MTMR2: variants seen among roughly 807,000 people sequenced by gnomAD.
MTMR2 encodes the protein phosphatidylinositol-3,5-bisphosphate 3-phosphatase MTMR2.
In MTMR2, 55 loss-of-function variants were observed where a neutral mutation model predicts 86.9. The observed-to-expected ratio is 0.63, with a 90% CI of 0.51 to 0.79. The LOEUF (loss-of-function observed/expected upper bound fraction) is 0.79, where lower values mean the gene tolerates loss of function less well. Ranked by LOEUF, MTMR2 falls within the 30% of genes least tolerant of loss-of-function variation. The pLI is 0.00. For missense variants in MTMR2, 659 were observed against 772.3 expected (o/e 0.85, Z 1.74); for synonymous variants, 241 against 266.8 (o/e 0.90, Z 0.94).
intron 12 of MTMR2, among the ~76,000 whole-genome samples, chr11:95,838,798 A>C (rs1238806055): frequency 6.6e-6 from 1 of 152,050 alleles, no homozygotes; most frequent in African/African-American, 2.4e-5. Flanking sequence ...ATCTAACAAA[A>C]AGAAAATTCA....
In MTMR2 at chr11:95,841,824, T is replaced by G. The variant is rs183271038; in HGVS notation, c.1387-115A>C. 5 of 810,360 alleles carry G rather than the reference T, an allele frequency of 6.2e-6. No individual in the cohort carries two copies. The South Asian group carries it at 7.0e-5, about 11-fold the overall frequency. 50.2% of individuals were successfully genotyped at this position (810,360 alleles called of 1,614,324 possible). ...TCTAAAAATTTTCAAAGTCGGGTGCTGTGGTTTACACCTGTAATCCCAACA... is the reference window on the plus strand; with the variant it reads ...TCTAAAAATTTTCAAAGTCGGGTGCGGTGGTTTACACCTGTAATCCCAACA... On this transcript the variant is annotated intron_variant, in intron 11 of 14. Coordinates refer to ENST00000346299, the MANE Select transcript of MTMR2 (RefSeq NM_016156.6).
rs1014017869 is a variant in MTMR2, at chr11:95,885,578, A to G, written c.186+2578T>C. ...AATAAAGTCGTTCTGGATTGTAACAAAAAGTATAAAATAAATATCCATGAG... is the reference window on the plus strand; with the variant it reads ...AATAAAGTCGTTCTGGATTGTAACAGAAAGTATAAAATAAATATCCATGAG... On this transcript the variant is annotated intron_variant, in intron 2 of 14. Transcript: ENST00000346299. Among the ~76,000 whole-genome samples the G allele has an allele frequency of 4.6e-5, 7 of 152,300 alleles. No homozygotes were observed. The South Asian group carries it at 6.2e-4, about 14-fold the overall frequency.
At chr11:95,861,136 C>T (rs1462796209) in intron 5 of MTMR2, among the ~76,000 whole-genome samples, 3 of 139,592 alleles carry the variant, frequency 2.1e-5, no homozygotes, top group African/African-American at 5.4e-5. Context: ...GGCAACAGAG[C>T]GAGACTCCGT....
chr11:95,896,847 G>A (rs1171177114), intron 1 of MTMR2, among the ~76,000 whole-genome samples: 5 of 149,814 alleles, frequency 3.3e-5, no homozygotes. Flanking sequence ...AGACTTCCTG[G>A]AATACTGAGA....
chr11:95,837,145 C>T (rs1863321273), intron 13 of MTMR2, among the ~76,000 whole-genome samples: 1 of 151,978 alleles, frequency 6.6e-6, no homozygotes, highest in Admixed American at 6.6e-5. Context: ...ATACTTACTG[C>T]ATGCTAGACA....
intron 7 of MTMR2, among the ~76,000 whole-genome samples, chr11:95,851,055 CTTTTTTTTTTTTTTT>C (rs55809121): frequency 1.1e-5 from 1 of 93,396 alleles, no homozygotes; most frequent in African/African-American, 4.8e-5. Context: ...TCAAATATTC[CTTTTTTTTTTTTTTT>C]TTTTTTTTTT....
At chr11:95,837,549 A>G (rs1863338560) in intron 13 of MTMR2, among the ~76,000 whole-genome samples, 1 of 152,012 alleles carries the variant, frequency 6.6e-6, no homozygotes, top group Non-Finnish European at 1.5e-5. Flanking sequence ...CTTAATACCA[A>G]CCCCACTTAA....
chr11:95,884,809 G>A (rs1263766754), intron 2 of MTMR2, among the ~76,000 whole-genome samples: 1 of 151,996 alleles, frequency 6.6e-6, no homozygotes, highest in Non-Finnish European at 1.5e-5. Context: ...ACTGAAGACT[G>A]TAATTCAAGT....
rs796410618 is a variant in MTMR2 at position 95,887,732 on chromosome 11, T to G, written c.186+424A>C. The G allele has an allele frequency of 3.7e-5, 7 of 187,246 alleles. No homozygotes were observed. In the South Asian group the frequency reaches 7.5e-4, roughly 20 times the overall value. The allele number at this position is 187,246 out of a possible 1,614,324, so 11.6% of individuals were successfully genotyped here. On this transcript the variant is annotated intron_variant, in intron 2 of 14. Transcript: ENST00000346299. ...TATTAGCTATGAGATCTTGGACATA[T>G]TACTTAATCTCTACAAGTTATTATC...
intron 2 of MTMR2, among the ~76,000 whole-genome samples, chr11:95,880,119 G>A (rs1195946412): frequency 6.6e-6 from 1 of 151,704 alleles, no homozygotes; most frequent in Non-Finnish European, 1.5e-5. Flanking sequence ...AGTGTGCCTT[G>A]TAATTTTTTC....
chr11:95,890,862 G>A (rs970837350), intron 1 of MTMR2, among the ~76,000 whole-genome samples: 6 of 151,022 alleles, frequency 4.0e-5, no homozygotes, highest in Admixed American at 6.6e-5. Context: ...AACATGCCAA[G>A]AACTCATCTC....
intron 2 of MTMR2, among the ~76,000 whole-genome samples, chr11:95,885,109 T>C (rs1041375707): frequency 1.3e-5 from 2 of 152,156 alleles, no homozygotes; most frequent in Non-Finnish European, 2.9e-5. Context: ...AGCTGATGTA[T>C]AAATTTGACA....
In MTMR2 at chr11:95,923,927, G is replaced by T. The variant is rs1344100328; in HGVS notation, c.28C>A (p.Leu10Ile). The change falls in exon 1 of 15, where the codon CTT becomes ATT. Residue 10 changes from leucine to isoleucine, a missense_variant. Leu to Ile is a conservative substitution (Grantham distance 5). This residue lies in a region of MTMR2 where 79 missense variants were observed against 54.4 expected (regional missense o/e 1.45). Coordinates refer to ENST00000346299, the MANE Select transcript of MTMR2 (RefSeq NM_016156.6). ...CGAGCCGCCGCCGGCTGGGAGCCAA[G>T]ACTCTCGCAGCTCGAGCTCTTCTCC... is the stretch of plus-strand genomic sequence containing the variant. MEKSSSCES[L>I]GSQPAAARPP... The T allele has an allele frequency of 6.4e-7, 1 of 1,561,486 alleles. No homozygotes were observed. The highest frequency in any genetic ancestry group is 2.4e-5 in the East Asian group (1 of 41,634).
At position 95,875,948 on chromosome 11, in the gene MTMR2, C is replaced by G. The variant is rs193075571; in HGVS notation, c.187-10272G>C. 7.6e-4 allele frequency among the ~76,000 whole-genome samples: 115 copies of G among 152,294 alleles called. 1 individual carries two copies. The Middle Eastern group carries it at 0.02, about 27-fold the overall frequency. On this transcript the variant is annotated intron_variant, in intron 2 of 14. Coordinates refer to ENST00000346299, the MANE Select transcript of MTMR2 (RefSeq NM_016156.6). ...TGAACAGCAAATGTTGCTGCCTGATCGTTCCTCTGGAAGTTTTGTCTCAGA... is the reference window on the plus strand; with the variant it reads ...TGAACAGCAAATGTTGCTGCCTGATGGTTCCTCTGGAAGTTTTGTCTCAGA...
rs1863193865 is a variant in MTMR2, at chr11:95,834,988, T to C, written c.*302A>G. The C allele has an allele frequency of 5.3e-6, 2 of 374,470 alleles. No homozygotes were observed. The highest frequency in any genetic ancestry group is 1.0e-5 in the Non-Finnish European group (2 of 197,674). 23.2% of individuals were successfully genotyped at this position (374,470 alleles called of 1,614,324 possible). On this transcript the variant is annotated 3_prime_UTR_variant, in exon 15 of 15. Coordinates refer to ENST00000346299, the MANE Select transcript of MTMR2 (RefSeq NM_016156.6). ...TTTAATATTACCAGATGCCAAAAAT[T>C]TGTAACAGCATTTGCCTTTTAATAG...
intron 1 of MTMR2, among the ~76,000 whole-genome samples, chr11:95,921,440 T>C (rs562592730): frequency 2.6e-5 from 4 of 152,308 alleles, no homozygotes; most frequent in East Asian, 1.9e-4. Flanking sequence ...CAAAGGCTAA[T>C]GAAACAAAAG....
Position 95,841,652 on chromosome 11 carries a change from G to T in MTMR2, c.1444C>A (p.Gln482Lys). ...ATCTGCCAGACACAGTCAATAAATT[G>T]AAGAAAAACAGGCGATCTGTCTGCA... ...ADADRSPVFL[Q>K]FIDCVWQMTR... is the part of the protein sequence containing the mutation. Residue 482 changes from glutamine (Q) to lysine (K), a missense_variant, in exon 12 of 15, where the codon CAA (glutamine) becomes AAA (lysine). This residue lies in a region of MTMR2 where 193 missense variants were observed against 191.6 expected (regional missense o/e 1.01). Transcript: ENST00000346299. The T allele has an allele frequency of 1.2e-6, 2 of 1,613,714 alleles. No individual in the cohort carries two copies. Among genetic ancestry groups the T allele is most frequent in the Non-Finnish European group, 1.7e-6 (2 of 1,179,690 alleles).
intron 11 of MTMR2, among the ~76,000 whole-genome samples, chr11:95,843,844 G>C (rs1217997056): frequency 6.6e-6 from 1 of 151,484 alleles, no homozygotes; most frequent in African/African-American, 2.4e-5. Flanking sequence ...TTTCAATATG[G>C]CAAATATTGA....
intron 1 of MTMR2, among the ~76,000 whole-genome samples, chr11:95,918,396 A>C (rs560460625): frequency 6.6e-6 from 1 of 152,358 alleles, no homozygotes; most frequent in African/African-American, 2.4e-5. Context: ...CTACTGGTCT[A>C]CACTAATAGG....
Sources: gnomAD v4.1 joint callset for allele counts (sites outside exome capture counted in the v4.1 genomes callset) on GRCh38, gnomAD v4.1.1 for gene constraint, gnomAD v4.1.1 regional missense constraint, MANE v1.5 for transcripts, NCBI Gene and HGNC (gene_info 2026-07-23, HGNC 2026-07-21) for gene names.